JAZF1: variants seen among roughly 807,000 people sequenced by gnomAD.
The protein encoded by JAZF1 is JAZF zinc finger 1, also known as juxtaposed with another zinc finger protein 1.
Under a neutral mutation model 26.4 loss-of-function variants are expected in JAZF1, and 8 were observed. That is an observed-to-expected ratio of 0.30 (90% CI 0.18 to 0.55). JAZF1 has a LOEUF of 0.55. Among genes scored for constraint, JAZF1 ranks in the 20% least tolerant of loss-of-function variants. The pLI, the probability that JAZF1 is intolerant of heterozygous loss-of-function variation, is 0.94. For missense variants in JAZF1, 199 were observed against 322.0 expected (o/e 0.62, Z 2.92); for synonymous variants, 126 against 122.3 (o/e 1.03, Z -0.20).
At chr7:27,976,199 A>T (rs554176052) in intron 2 of JAZF1, among the ~76,000 whole-genome samples, 1 of 152,208 alleles carries the variant, frequency 6.6e-6, no homozygotes, top group Admixed American at 6.5e-5. Flanking sequence ...AAAAAAAATT[A>T]GCCGGGCATG....
At chr7:28,179,458 G>A (rs1783599763) in intron 1 of JAZF1, among the ~76,000 whole-genome samples, 1 of 151,954 alleles carries the variant, frequency 6.6e-6, no homozygotes, top group South Asian at 2.1e-4. Flanking sequence ...GCGCTGCGCA[G>A]GCCGCCGCCG....
intron 3 of JAZF1, among the ~76,000 whole-genome samples, chr7:27,892,913 A>T (rs1783996444): frequency 6.6e-6 from 1 of 152,208 alleles, no homozygotes; most frequent in Non-Finnish European, 1.5e-5. Context: ...TTTGACAAAA[A>T]ATCTATATAA....
At chr7:27,935,313 C>T (rs892195241) in intron 2 of JAZF1, among the ~76,000 whole-genome samples, 1 of 152,066 alleles carries the variant, frequency 6.6e-6, no homozygotes, top group Non-Finnish European at 1.5e-5. Flanking sequence ...AACTGTACCT[C>T]GAGTGAGAAA....
chr7:28,164,831 T>C (rs1196066444), intron 1 of JAZF1, among the ~76,000 whole-genome samples: 1 of 152,144 alleles, frequency 6.6e-6, no homozygotes, highest in Non-Finnish European at 1.5e-5. Flanking sequence ...TTAAAAGAAA[T>C]CTATGGGCTC....
At chr7:28,070,308 G>C (rs969249411) in intron 1 of JAZF1, among the ~76,000 whole-genome samples, 57 of 152,206 alleles carry the variant, frequency 3.7e-4, no homozygotes, top group African/African-American at 1.3e-3. Flanking sequence ...TGATCTGATT[G>C]GTTCTCATCC....
At chr7:27,865,116 T>C (rs1217298583) in intron 3 of JAZF1, among the ~76,000 whole-genome samples, 1 of 152,136 alleles carries the variant, frequency 6.6e-6, no homozygotes, top group Non-Finnish European at 1.5e-5. Flanking sequence ...CAGATGTTAA[T>C]CCTAACACTT....
At position 27,894,311 on chromosome 7, in the gene JAZF1, A is replaced by T. The variant is rs993773050; in HGVS notation, c.385+909T>A. The stretch of plus-strand genomic sequence containing the variant: ...GCCTCCCAAAGTGCTGTGATTATAC[A>T]TGTGAGCCACAGCACCCAGCTGAAG... On this transcript the variant is annotated intron_variant, in intron 3 of 4. Transcript: ENST00000283928. 3.9e-5 allele frequency among the ~76,000 whole-genome samples: 6 copies of T among 152,206 alleles called. No individual in the cohort carries two copies. The South Asian group carries it at 1.0e-3, about 26-fold the overall frequency.
At chr7:28,045,765 G>A (rs929372283) in intron 1 of JAZF1, among the ~76,000 whole-genome samples, 3 of 151,984 alleles carry the variant, frequency 2.0e-5, no homozygotes, top group Admixed American at 6.6e-5. Flanking sequence ...GTAGAGACAC[G>A]GTCTCACTGT....
chr7:27,888,706 G>A (rs1783913963), intron 3 of JAZF1, among the ~76,000 whole-genome samples: 1 of 152,120 alleles, frequency 6.6e-6, no homozygotes. Context: ...GCCATACCAA[G>A]ATACACAGGA....
intron 1 of JAZF1, among the ~76,000 whole-genome samples, chr7:28,006,506 G>A (rs764023278): frequency 2.8e-4 from 43 of 152,176 alleles, no homozygotes; most frequent in Non-Finnish European, 3.4e-4. Flanking sequence ...TAGTTCTCAA[G>A]TAGCAATAAT....
chr7:28,053,461 G>A (rs144647044), intron 1 of JAZF1, among the ~76,000 whole-genome samples: 5 of 152,206 alleles, frequency 3.3e-5, no homozygotes, highest in African/African-American at 1.2e-4. Context: ...CATAAACAAT[G>A]CATAAGCTTT....
intron 3 of JAZF1, among the ~76,000 whole-genome samples, chr7:27,889,932 C>CAAAAAA (rs5883106): frequency 6.9e-6 from 1 of 145,036 alleles, no homozygotes. Flanking sequence ...GACTTTCTCT[C>CAAAAAA]AAAAAAAAAA....
intron 3 of JAZF1, among the ~76,000 whole-genome samples, chr7:27,893,728 C>T (rs1784013242): frequency 6.6e-6 from 1 of 152,178 alleles, no homozygotes; most frequent in African/African-American, 2.4e-5. Flanking sequence ...TCTATACTCC[C>T]ACTGGGGGAA....
chr7:28,106,527 C>G (rs1000029441), intron 1 of JAZF1, among the ~76,000 whole-genome samples: 8 of 152,154 alleles, frequency 5.3e-5, no homozygotes, highest in Non-Finnish European at 1.0e-4. Flanking sequence ...TTCTGCCAAG[C>G]AGAAGAAACA....
intron 1 of JAZF1, among the ~76,000 whole-genome samples, chr7:28,136,402 T>A (rs1221709066): frequency 2.0e-5 from 3 of 152,070 alleles, no homozygotes; most frequent in Admixed American, 2.0e-4. Context: ...AAATTCAACC[T>A]CCCTCAAGAA....
At position 27,870,840 on chromosome 7, in the gene JAZF1, C is replaced by T. The variant is rs147309784; in HGVS notation, c.385+24380G>A. 1.3e-4 allele frequency among the ~76,000 whole-genome samples: 20 copies of T among 152,288 alleles called. No individual in the cohort carries two copies. The East Asian group carries it at 3.5e-3, about 27-fold the overall frequency. ...AAACTCATTCTCAGGCATACACCAG[C>T]GCACGCATCCAGTACTCTGTGATTG... On this transcript the variant is annotated intron_variant, in intron 3 of 4. Transcript: ENST00000283928.
intron 1 of JAZF1, among the ~76,000 whole-genome samples, chr7:28,140,902 A>C (rs1782951073): frequency 6.6e-6 from 1 of 152,106 alleles, no homozygotes. Context: ...CGTAAGAGCC[A>C]TATAAGTGAT....
chr7:28,064,297 A>T (rs1783845912), intron 1 of JAZF1, among the ~76,000 whole-genome samples: 1 of 152,100 alleles, frequency 6.6e-6, no homozygotes, highest in African/African-American at 2.4e-5. Flanking sequence ...ACCAGCCAGC[A>T]GGAAACCAAC....
intron 1 of JAZF1, among the ~76,000 whole-genome samples, chr7:28,179,515 G>A (rs1242355841): frequency 1.3e-5 from 2 of 151,990 alleles, no homozygotes; most frequent in Admixed American, 6.5e-5. Context: ...CCATTAGAAA[G>A]GCAAATCGCA....
Sources: gnomAD v4.1 joint callset for allele counts (sites outside exome capture counted in the v4.1 genomes callset) on GRCh38, gnomAD v4.1.1 for gene constraint, MANE v1.5 for transcripts, NCBI Gene and HGNC (gene_info 2026-07-23, HGNC 2026-07-21) for gene names.